The following GCSAML variants were observed in gnomAD, a reference collection of about 807,000 sequenced individuals.
GCSAML encodes the protein germinal center associated signaling and motility like, also known as germinal center-associated signaling and motility-like protein.
GCSAML carries 9 observed loss-of-function variants against 13.0 expected under a neutral mutation model. The ratio of observed to expected loss-of-function variants is 0.69; its 90% CI spans 0.42 to 1.21. GCSAML has a LOEUF of 1.21. Ranked by LOEUF, GCSAML falls within the 50% of genes most tolerant of loss-of-function variation. The pLI is 0.00. For missense variants in GCSAML, 143 were observed against 153.4 expected, an observed-to-expected ratio of 0.93 and a Z score of 0.36; for synonymous variants, 37 against 52.9, an observed-to-expected ratio of 0.70 and a Z score of 1.31.
intron 2 of GCSAML, chr1:247,531,678 G>C (rs1291428143): frequency 6.2e-7 from 1 of 1,614,076 alleles, no homozygotes; most frequent in African/African-American, 1.3e-5. Context: ...CTACGGTGTA[G>C]AACAGAGCTA....
chr1:247,519,878 C>T (rs530301222), intron 1 of GCSAML, among the ~76,000 whole-genome samples: 1 of 152,030 alleles, frequency 6.6e-6, no homozygotes, highest in African/African-American at 2.4e-5. Flanking sequence ...GTTTGTAGAG[C>T]AAGGAAATCA....
At position 247,556,479 on chromosome 1, in the gene GCSAML, C is replaced by G. The variant is rs767225090; in HGVS notation, c.89+13C>G. On this transcript the variant is annotated intron_variant, in intron 2 of 4. Coordinates refer to ENST00000366488, the MANE Select transcript of GCSAML (RefSeq NM_145278.5). ...AGGAAAGAAAACGGTAAGAACAGAG[C>G]ATCTCAGAGTTTTTTTGTTTTGTTT... 1.3e-4 allele frequency: 212 copies of G among 1,588,550 alleles called. No homozygotes were observed. The highest frequency in any genetic ancestry group is 1.8e-4 in the Non-Finnish European group (209 of 1,161,354).
At chr1:247,554,076 A>G (rs1401828064) in intron 1 of GCSAML, among the ~76,000 whole-genome samples, 1 of 152,098 alleles carries the variant, frequency 6.6e-6, no homozygotes, top group Non-Finnish European at 1.5e-5. Flanking sequence ...AAGTTTACCA[A>G]TCTCATTAAA....
chr1:247,568,605 G>T (rs1444581380), intron 4 of GCSAML, among the ~76,000 whole-genome samples: 1 of 152,134 alleles, frequency 6.6e-6, no homozygotes, highest in African/African-American at 2.4e-5. Context: ...AAGTCAGGTA[G>T]CGTGATGCCT....
intron 4 of GCSAML, among the ~76,000 whole-genome samples, chr1:247,569,906 G>C (rs960211510): frequency 6.6e-6 from 1 of 152,044 alleles, no homozygotes; most frequent in Non-Finnish European, 1.5e-5. Context: ...GTCCATTCAG[G>C]GATTCAACTT....
intron 2 of GCSAML, among the ~76,000 whole-genome samples, chr1:247,532,870 TGG>T (rs759293458): frequency 1.9e-5 from 1 of 51,662 alleles, no homozygotes; most frequent in African/African-American, 7.5e-5. Context: ...AATAAAAGAC[TGG>T]GTGGGGGGTG....
chr1:247,537,771 T>A (rs74489213), intron 2 of GCSAML, among the ~76,000 whole-genome samples: 7,071 of 152,270 alleles, frequency 0.046, 520 homozygotes, highest in African/African-American at 0.16. Flanking sequence ...CATTTTTTAA[T>A]GTGCTTGTTG....
chr1:247,532,520 G>A, intron 2 of GCSAML: 1 of 1,609,726 alleles, frequency 6.2e-7, no homozygotes, highest in Non-Finnish European at 8.5e-7. Flanking sequence ...ATTGTATGCT[G>A]GGGGTGGGGC....
chr1:247,510,044 T>C (rs1371335633), intron 1 of GCSAML, among the ~76,000 whole-genome samples: 1 of 152,246 alleles, frequency 6.6e-6, no homozygotes, highest in Non-Finnish European at 1.5e-5. Context: ...AGTCCCTCTT[T>C]TTCTACTGTT....
intron 1 of GCSAML, among the ~76,000 whole-genome samples, chr1:247,521,388 G>A (rs1666417879): frequency 1.2e-5 from 1 of 80,022 alleles, no homozygotes; most frequent in Middle Eastern, 7.4e-3. Flanking sequence ...CCTCTCCACG[G>A]TCTCCCTCTC....
intron 1 of GCSAML, among the ~76,000 whole-genome samples, chr1:247,523,384 C>A (rs775335555): frequency 1.3e-5 from 2 of 152,170 alleles, no homozygotes; most frequent in Admixed American, 6.5e-5. Flanking sequence ...TTACTTAAGT[C>A]TCTGCAGAAA....
intron 4 of GCSAML, among the ~76,000 whole-genome samples, chr1:247,568,451 C>T (rs762791606): frequency 1.4e-4 from 21 of 152,046 alleles, no homozygotes; most frequent in Non-Finnish European, 2.9e-4. Context: ...CCATTGCTTG[C>T]TTTTCTCAGG....
chr1:247,510,926 C>T (rs1666015713), intron 1 of GCSAML, among the ~76,000 whole-genome samples: 1 of 152,118 alleles, frequency 6.6e-6, no homozygotes, highest in African/African-American at 2.4e-5. Flanking sequence ...ATTATGTGGT[C>T]AATTTTAGAA....
At chr1:247,566,093 T>A in intron 4 of GCSAML, 134 bp downstream of exon 4, 3 of 596,876 alleles carry the variant, frequency 5.0e-6, no homozygotes, top group South Asian at 6.2e-5. Flanking sequence ...CTAAATGTAC[T>A]TTTAGAAATC....
rs143117675 is a variant in GCSAML, at chr1:247,561,222, G to A, written c.90-2368G>A. On this transcript the variant is annotated intron_variant, in intron 2 of 4. Coordinates refer to ENST00000366488, the MANE Select transcript of GCSAML (RefSeq NM_145278.5). Reference sequence around the variant, plus strand: ...ATCTGCCTTTGCCTCCCAAAGTGCTGTGATTACAGGCATGAGCCACCACAC... The same window carrying A: ...ATCTGCCTTTGCCTCCCAAAGTGCTATGATTACAGGCATGAGCCACCACAC... Among the ~76,000 whole-genome samples, 731 of 152,236 alleles carry A rather than the reference G, an allele frequency of 4.8e-3. 7 individuals carry two copies. The highest frequency in any genetic ancestry group is 0.016 in the African/African-American group (673 of 41,546).
intron 1 of GCSAML, among the ~76,000 whole-genome samples, chr1:247,521,764 C>G (rs1666440115): frequency 6.6e-6 from 1 of 152,200 alleles, no homozygotes; most frequent in African/African-American, 2.4e-5. Flanking sequence ...CCTTGGCCTC[C>G]CAAAGTGCCG....
chr1:247,546,422 G>A (rs967390507), upstream of GCSAML, among the ~76,000 whole-genome samples: 4 of 152,004 alleles, frequency 2.6e-5, no homozygotes, highest in Non-Finnish European at 4.4e-5. Context: ...GCAGTGGCGC[G>A]ATCTCGGCTC....
intron 1 of GCSAML, among the ~76,000 whole-genome samples, chr1:247,522,155 T>C (rs1236226737): frequency 6.6e-6 from 1 of 150,806 alleles, no homozygotes; most frequent in Non-Finnish European, 1.5e-5. Context: ...AGCCGCCCCA[T>C]CTGGAAAGTG....
In GCSAML at chr1:247,527,533, A is replaced by G. The variant is rs570876845; in HGVS notation, c.-148+479A>G. 1 of 152,440 alleles carries G rather than the reference A, an allele frequency of 6.6e-6. No homozygotes were observed. The highest frequency in any genetic ancestry group is 1.5e-5 in the Non-Finnish European group (1 of 68,154). 9.4% of individuals were successfully genotyped at this position (152,440 alleles called of 1,614,324 possible). A position where few individuals can be genotyped will look rare whatever the true frequency, so the allele number is the denominator to read the frequency against. The stretch of plus-strand genomic sequence containing the variant: ...GAGATTTTTAATTAGTCTTTTCAAG[A>G]GGTTAGGGAAAGTTTTTAGTATTCA... On this transcript the variant is annotated intron_variant, in intron 2 of 5. Coordinates refer to the GCSAML transcript ENST00000366489. The surrounding 1 kb of genome is among the most constrained non-coding windows in gnomAD (Gnocchi z 4.6).
Sources: allele counts gnomAD v4.1 joint callset (sites outside exome capture counted in the v4.1 genomes callset), GRCh38; gene constraint gnomAD v4.1.1; non-coding constraint Gnocchi (gnomAD v3.1); transcripts MANE v1.5; gene names NCBI Gene and HGNC (gene_info 2026-07-23, HGNC 2026-07-21).